The following MPRIP variants were observed in gnomAD, a reference collection of about 807,000 sequenced individuals.
The protein encoded by MPRIP is myosin phosphatase Rho interacting protein, also known as myosin phosphatase Rho-interacting protein.
In MPRIP, 59 loss-of-function variants were observed where a neutral mutation model predicts 234.9. That is an observed-to-expected ratio of 0.25 (90% CI 0.20 to 0.31). The LOEUF (loss-of-function observed/expected upper bound fraction) is 0.31, where lower values mean the gene tolerates loss of function less well. Among genes scored for constraint, MPRIP ranks in the 10% least tolerant of loss-of-function variants. MPRIP has a pLI of 1.00. For missense variants in MPRIP, 2,436 were observed against 3,071.0 expected (o/e 0.79, Z 4.89); for synonymous variants, 1,144 against 1,263.9 (o/e 0.91, Z 2.01).
intron 1 of MPRIP, among the ~76,000 whole-genome samples, chr17:17,046,848 C>T (rs182947607): frequency 1.3e-5 from 2 of 152,318 alleles, no homozygotes; most frequent in Admixed American, 1.3e-4. Flanking sequence ...AACACATTAA[C>T]GAATGAGTTC....
chr17:17,145,749 G>A lies in MPRIP; in HGVS notation c.1504-287G>A, dbSNP rs550138263. On this transcript the variant is annotated intron_variant, in intron 9 of 23. Coordinates refer to ENST00000651222, the MANE Select transcript of MPRIP (RefSeq NM_001364716.4). Reference sequence around the variant, plus strand: ...CTCCCAGATAGGCCCTGTGCAGTGGGCCCTGTACAGGCCGGAGCCCACACT... The same window carrying A: ...CTCCCAGATAGGCCCTGTGCAGTGGACCCTGTACAGGCCGGAGCCCACACT... Among the ~76,000 whole-genome samples, 7 of 152,328 alleles carry A rather than the reference G, an allele frequency of 4.6e-5. No homozygotes were observed. The South Asian group carries it at 8.3e-4, about 18-fold the overall frequency.
At chr17:17,106,593 C>G (rs1199013746) in intron 3 of MPRIP, among the ~76,000 whole-genome samples, 1 of 152,182 alleles carries the variant, frequency 6.6e-6, no homozygotes, top group East Asian at 1.9e-4. Flanking sequence ...CCCTCAGTGG[C>G]TTTGACTGGT....
Position 17,166,401 on chromosome 17 carries a change from C to G in MPRIP, c.4810C>G (p.Pro1604Ala). 7.7e-7 allele frequency: 1 copy of G among 1,304,490 alleles called. No individual in the cohort carries two copies. The highest frequency in any genetic ancestry group is 1.0e-6 in the Non-Finnish European group (1 of 989,004). 80.8% of individuals were successfully genotyped at this position (1,304,490 alleles called of 1,614,324 possible). The change falls in exon 16 of 24, where the codon CCG becomes GCG. Residue 1604 changes from proline to alanine, a missense_variant. By Grantham distance (27) the Pro-to-Ala change is conservative (BLOSUM62 -1). Coordinates refer to ENST00000651222, the MANE Select transcript of MPRIP (RefSeq NM_001364716.4). The surrounding 1 kb of genome is among the most constrained non-coding windows in gnomAD (Gnocchi z 4.4). ...LHEISWSGQPPMESAGAPVDT... is the reference protein window; with the variant it reads ...LHEISWSGQPAMESAGAPVDT... ...TGAGATTTCTTGGTCAGGACAGCCA[C>G]CGATGGAATCTGCTGGGGCCCCCGT...
At chr17:17,049,114 T>C (rs2088450999) in intron 1 of MPRIP, among the ~76,000 whole-genome samples, 1 of 152,222 alleles carries the variant, frequency 6.6e-6, no homozygotes, top group Non-Finnish European at 1.5e-5. Context: ...ATTCCATTTA[T>C]GTAAAATGTC....
chr17:17,082,499 T>G (rs938418060), intron 3 of MPRIP, among the ~76,000 whole-genome samples: 2 of 152,070 alleles, frequency 1.3e-5, no homozygotes, highest in African/African-American at 2.4e-5. Flanking sequence ...TTCTTCATGC[T>G]GGACAGGCTG....
intron 18 of MPRIP, among the ~76,000 whole-genome samples, chr17:17,173,254 C>G (rs1370936671): frequency 1.3e-5 from 2 of 152,262 alleles, no homozygotes; most frequent in East Asian, 3.8e-4. Flanking sequence ...AGAAAAACTG[C>G]TGTAGACTTT....
intron 23 of MPRIP, among the ~76,000 whole-genome samples, chr17:17,184,172 A>T (rs571396594): frequency 6.6e-6 from 1 of 152,248 alleles, no homozygotes; most frequent in Non-Finnish European, 1.5e-5. Context: ...ATCTCTGGAC[A>T]TACAGATTTA....
intron 3 of MPRIP, among the ~76,000 whole-genome samples, chr17:17,083,768 G>A (rs1244867902): frequency 2.0e-5 from 3 of 151,980 alleles, no homozygotes; most frequent in Non-Finnish European, 4.4e-5. Context: ...TTTTTGAGAT[G>A]GAGTCTCACT....
At position 17,058,752 on chromosome 17, in the gene MPRIP, C is replaced by A. The variant is rs2088783442; in HGVS notation, c.123+15781C>A. The stretch of plus-strand genomic sequence containing the variant: ...TGTAACACAGCCACCAGGAGCAAGT[C>A]TGGGGTTAGATGTCGCCTTTTAAGG... On this transcript the variant is annotated intron_variant, in intron 1 of 23. Transcript: ENST00000651222. Among the ~76,000 whole-genome samples the A allele has an allele frequency of 2.6e-5, 4 of 152,176 alleles. No individual in the cohort carries two copies. The South Asian group carries it at 8.3e-4, about 32-fold the overall frequency.
In MPRIP at chr17:17,167,503, G is replaced by C. The variant is rs758284889; in HGVS notation, c.5912G>C (p.Ser1971Thr). The C allele has an allele frequency of 7.7e-7, 1 of 1,304,188 alleles. No individual in the cohort carries two copies. Among genetic ancestry groups the C allele is most frequent in the South Asian group, 1.2e-5 (1 of 81,030 alleles). 80.8% of individuals were successfully genotyped at this position (1,304,188 alleles called of 1,614,324 possible). A position where few individuals can be genotyped will look rare whatever the true frequency, so the allele number is the denominator to read the frequency against. ...GAGAGCACACTGCAGGCTGAGCGCA[G>C]CCGGGTCCTGAGCCAGCTGGATGCC... ...RTESTLQAER[S>T]RVLSQLDASV... is the part of the protein sequence containing the mutation. The change falls in exon 16 of 24, where the codon AGC becomes ACC. Residue 1971 changes from serine (S) to threonine (T), a missense_variant. This residue lies in a region of MPRIP where 1,998 missense variants were observed against 2,520.3 expected (regional missense o/e 0.79). Coordinates refer to ENST00000651222, the MANE Select transcript of MPRIP (RefSeq NM_001364716.4). The surrounding 1 kb of genome is among the most constrained non-coding windows in gnomAD (Gnocchi z 5.9).
At chr17:17,183,020 C>T (rs1567784147) in intron 23 of MPRIP, 1 of 152,380 alleles carries the variant, frequency 6.6e-6, no homozygotes, top group African/African-American at 2.4e-5. Flanking sequence ...ACCCTGCACT[C>T]TGTGGGGAGG....
At chr17:17,062,000 G>A (rs1487337221) in intron 1 of MPRIP, among the ~76,000 whole-genome samples, 3 of 152,178 alleles carry the variant, frequency 2.0e-5, no homozygotes, top group South Asian at 2.1e-4. Context: ...AAATGGCATG[G>A]AAGGAGTATG....
chr17:17,099,903 C>T (rs2089924454), intron 3 of MPRIP, among the ~76,000 whole-genome samples: 1 of 152,184 alleles, frequency 6.6e-6, no homozygotes, highest in Admixed American at 6.5e-5. Context: ...AAAAATTATA[C>T]ATTTTGTGAA....
chr17:17,072,810 C>T (rs2089229396), intron 1 of MPRIP, among the ~76,000 whole-genome samples: 1 of 152,212 alleles, frequency 6.6e-6, no homozygotes, highest in South Asian at 2.1e-4. Flanking sequence ...CCCCATGGCG[C>T]CATCATTCCT....
chr17:17,128,826 C>T (rs2090543139), intron 4 of MPRIP, among the ~76,000 whole-genome samples: 1 of 152,194 alleles, frequency 6.6e-6, no homozygotes, highest in Non-Finnish European at 1.5e-5. Flanking sequence ...TCCCATTCCT[C>T]TGTCTCCTGC....
intron 23 of MPRIP, 127 bp downstream of exon 23, chr17:17,180,215 G>A (rs1259632811): frequency 1.0e-5 from 8 of 801,220 alleles, no homozygotes; most frequent in Admixed American, 2.9e-5. Context: ...CACTGAGCCA[G>A]CCCGAGCTCA....
At position 17,146,087 on chromosome 17, in the gene MPRIP, G is replaced by A. The variant is rs368930105; in HGVS notation, c.1555G>A (p.Gly519Ser). The change falls in exon 10 of 24, where the codon GGC (glycine) becomes AGC (serine). Residue 519 changes from glycine to serine, a missense_variant. By Grantham distance (56) the Gly-to-Ser change is moderately conservative. Transcript: ENST00000651222. ...KGWLTKQYED[G>S]QWKKHWFVLA... is the part of the protein sequence containing the mutation. ...CTGGCTGACTAAGCAGTATGAGGAC[G>A]GCCAGGTGAGTGTGCAGGGTTGCCG... 83 of 1,613,814 alleles carry A rather than the reference G, an allele frequency of 5.1e-5. No individual in the cohort carries two copies. Among genetic ancestry groups the A allele is most frequent in the African/African-American group, 1.2e-4 (9 of 74,904 alleles).
chr17:17,125,572 G>T (rs746144290), intron 3 of MPRIP, among the ~76,000 whole-genome samples: 1 of 152,258 alleles, frequency 6.6e-6, no homozygotes, highest in Non-Finnish European at 1.5e-5. Context: ...GAGGTGGAGG[G>T]ACAAGGAGGT....
At chr17:17,114,326 A>G (rs1384327370) in intron 3 of MPRIP, among the ~76,000 whole-genome samples, 2 of 151,896 alleles carry the variant, frequency 1.3e-5, no homozygotes, top group African/African-American at 2.4e-5. Context: ...ACTTTGTCAG[A>G]TATATGATTT....
Sources: allele counts gnomAD v4.1 joint callset (sites outside exome capture counted in the v4.1 genomes callset), GRCh38; gene constraint gnomAD v4.1.1; regional missense constraint gnomAD v4.1.1; non-coding constraint Gnocchi (gnomAD v3.1); transcripts MANE v1.5; gene names NCBI Gene and HGNC (gene_info 2026-07-23, HGNC 2026-07-21).